The following TRIM5 variants were observed in gnomAD, a reference collection of about 807,000 sequenced individuals.
The protein encoded by TRIM5 is tripartite motif containing 5.
Under a neutral mutation model 35.6 loss-of-function variants are expected in TRIM5, and 31 were observed. That is an observed-to-expected ratio of 0.87 (90% confidence interval 0.65 to 1.18). The LOEUF is 1.18. TRIM5 is among the 50% of genes most tolerant of loss of function. The pLI, the probability that TRIM5 is intolerant of heterozygous loss-of-function variation, is 0.00. For synonymous variants in TRIM5, 243 were observed against 215.6 expected (o/e 1.13, Z -1.11); for missense variants, 609 against 591.6 (o/e 1.03, Z -0.31).
At chr11:5,599,648 C>G in the TRIM5 span, among the ~76,000 whole-genome samples, 5 of 152,178 alleles carry the variant, frequency 3.3e-5, no homozygotes, top group African/African-American at 1.2e-4. Flanking sequence ...TGTGATCCGC[C>G]TGCCTCAGCC....
At chr11:5,605,543 G>C in the TRIM5 span, 1 of 1,613,764 alleles carries the variant, frequency 6.2e-7, no homozygotes. Flanking sequence ...GTCGATGTCA[G>C]GGGTCAACAA....
the TRIM5 span, among the ~76,000 whole-genome samples, chr11:5,626,390 C>T: frequency 6.6e-6 from 1 of 152,152 alleles, no homozygotes; most frequent in East Asian, 1.9e-4. Context: ...AGGGTAATGA[C>T]TCTGTAAAGA....
the TRIM5 span, among the ~76,000 whole-genome samples, chr11:5,600,704 C>A: frequency 6.6e-6 from 1 of 151,860 alleles, no homozygotes; most frequent in Non-Finnish European, 1.5e-5. Context: ...CTGTTTTTTA[C>A]ATCAGTGTAC....
At chr11:5,638,957 TG>T in the TRIM5 span, among the ~76,000 whole-genome samples, 2 of 152,110 alleles carry the variant, frequency 1.3e-5, no homozygotes, top group African/African-American at 4.8e-5. Context: ...TGCCTTCACG[TG>T]GGAGTGCACC....
the TRIM5 span, among the ~76,000 whole-genome samples, chr11:5,609,648 C>T: frequency 6.6e-6 from 1 of 152,106 alleles, no homozygotes; most frequent in East Asian, 1.9e-4. Flanking sequence ...CTTGGACAGG[C>T]GCAGTGACTC....
intron 1 of TRIM5, among the ~76,000 whole-genome samples, chr11:5,683,038 G>C (rs971383479): frequency 6.6e-6 from 1 of 152,338 alleles, no homozygotes; most frequent in South Asian, 2.1e-4. Flanking sequence ...CCCCGCACTC[G>C]GAGTGGCCGG....
the TRIM5 span, among the ~76,000 whole-genome samples, chr11:5,628,492 A>T: frequency 6.6e-6 from 1 of 152,082 alleles, no homozygotes; most frequent in South Asian, 2.1e-4. Context: ...GCTGGATGAC[A>T]CTCGCCAGTC....
the TRIM5 span, chr11:5,610,086 G>T: frequency 6.3e-7 from 1 of 1,575,254 alleles, no homozygotes; most frequent in South Asian, 1.1e-5. Flanking sequence ...TAAGGGAGAT[G>T]GGTGGTGGAG....
the TRIM5 span, chr11:5,632,820 T>TC: frequency 1.7e-6 from 2 of 1,184,314 alleles, no homozygotes; most frequent in Non-Finnish European, 1.1e-6. Flanking sequence ...CACCTTTTCA[T>TC]CCTTTTTTTT....
At chr11:5,609,699 G>A in the TRIM5 span, among the ~76,000 whole-genome samples, 2 of 152,186 alleles carry the variant, frequency 1.3e-5, no homozygotes, top group Non-Finnish European at 2.9e-5. Context: ...GAGGAGGGCA[G>A]ATCACGAGGT....
At chr11:5,620,281 G>A in the TRIM5 span, among the ~76,000 whole-genome samples, 4 of 140,170 alleles carry the variant, frequency 2.9e-5, no homozygotes, top group African/African-American at 1.1e-4. Context: ...GGGTTCTATG[G>A]ATTCTCCTGC....
downstream of TRIM5, among the ~76,000 whole-genome samples, chr11:5,659,344 C>A (rs1276982803): frequency 6.6e-6 from 1 of 152,116 alleles, no homozygotes; most frequent in Middle Eastern, 3.2e-3. Flanking sequence ...GGGAACTTTT[C>A]TCATTTCACT....
At chr11:5,643,035 C>T in the TRIM5 span, 1 of 1,288,726 alleles carries the variant, frequency 7.8e-7, no homozygotes, top group African/African-American at 1.5e-5. Flanking sequence ...CAAGTTCGTT[C>T]ATCACCATGT....
At chr11:5,646,862 CT>C in the TRIM5 span, among the ~76,000 whole-genome samples, 37 of 152,160 alleles carry the variant, frequency 2.4e-4, no homozygotes, top group Non-Finnish European at 4.7e-4. Context: ...CAGTTTCTTC[CT>C]TCCAAAATGA....
chr11:5,604,369 T>C, the TRIM5 span, among the ~76,000 whole-genome samples: 1 of 152,140 alleles, frequency 6.6e-6, no homozygotes, highest in Admixed American at 6.5e-5. Context: ...TTGGTTTTCA[T>C]CCCATGTATA....
Position 5,664,278 on chromosome 11 carries a change from G to A in TRIM5, c.*531C>T. 1.0e-6 allele frequency: 1 copy of A among 985,388 alleles called. No individual in the cohort carries two copies. Among genetic ancestry groups the A allele is most frequent in the Admixed American group, 6.1e-5 (1 of 16,276 alleles). The allele number at this position is 985,388 out of a possible 1,614,324, so 61.0% of individuals were successfully genotyped here. ...TAAGTATGTTATTCACAGTTACACT[G>A]CTGGTATATGGAGAGACAGGAGTTG... On this transcript the variant is annotated 3_prime_UTR_variant, in exon 8 of 8. Coordinates refer to ENST00000380034, the MANE Select transcript of TRIM5 (RefSeq NM_033034.3).
the TRIM5 span, among the ~76,000 whole-genome samples, chr11:5,593,224 C>T: frequency 1.3e-5 from 2 of 152,202 alleles, no homozygotes; most frequent in Admixed American, 6.5e-5. Flanking sequence ...ATCCTGAATT[C>T]TCAAGCATAA....
the TRIM5 span, chr11:5,596,758 T>A: frequency 7.6e-7 from 1 of 1,322,074 alleles, no homozygotes; most frequent in Admixed American, 1.8e-5. Context: ...AGCAGAGTCG[T>A]GCGTGGTTGA....
chr11:5,596,867 A>G, the TRIM5 span: 3 of 1,613,912 alleles, frequency 1.9e-6, no homozygotes, highest in East Asian at 2.2e-5. Flanking sequence ...TATTGCTTAC[A>G]TCTGGAACTT....
Sources: gnomAD v4.1 joint callset for allele counts (sites outside exome capture counted in the v4.1 genomes callset) on GRCh38, gnomAD v4.1.1 for gene constraint, MANE v1.5 for transcripts, NCBI Gene and HGNC (gene_info 2026-07-23, HGNC 2026-07-21) for gene names.